The following AKAP3 variants were observed in gnomAD, a reference collection of about 807,000 sequenced individuals.
The protein encoded by AKAP3 is A-kinase anchor protein 3.
A neutral mutation model predicts 57.2 loss-of-function variants in AKAP3; 27 were observed. The ratio of observed to expected loss-of-function variants is 0.47; its 90% confidence interval spans 0.35 to 0.65. The LOEUF (loss-of-function observed/expected upper bound fraction) is 0.65. Among genes scored for constraint, AKAP3 ranks in the 30% least tolerant of loss-of-function variants. The pLI is 0.01. For synonymous variants in AKAP3, 334 were observed against 392.3 expected (o/e 0.85, Z 1.76); for missense variants, 959 against 1,040.0 (o/e 0.92, Z 1.07).
chr12:4,627,988 T>G lies in AKAP3; in HGVS notation c.914A>C (p.Lys305Thr). The change falls in exon 5 of 6, where the codon AAG becomes ACG. Residue 305 changes from lysine to threonine, a missense_variant. Transcript: ENST00000228850. ...AATGGTTGTGTCTTTCACTTGGATC[T>G]TCAGTGTCTTCATGATGGAGACCAT... Reference protein sequence around the residue: ...DMMVSIMKTLKIQVKDTTIAT... With the variant: ...DMMVSIMKTLTIQVKDTTIAT... 3 of 1,614,014 alleles carry G rather than the reference T, an allele frequency of 1.9e-6. No homozygotes were observed. The South Asian group carries it at 3.3e-5, about 18-fold the overall frequency.
chr12:4,637,951 G>A, intron 4 of AKAP3, 150 bp downstream of exon 4: 1 of 703,416 alleles, frequency 1.4e-6, no homozygotes, highest in Non-Finnish European at 2.5e-6. Context: ...AAATGGGAAT[G>A]TTTTGTTCTA....
intron 5 of AKAP3, among the ~76,000 whole-genome samples, chr12:4,618,568 C>T (rs1945312370): frequency 6.6e-6 from 1 of 152,244 alleles, no homozygotes; most frequent in Non-Finnish European, 1.5e-5. Flanking sequence ...GTTTCTAGTT[C>T]TCAGCACTCC....
intron 3 of AKAP3, among the ~76,000 whole-genome samples, chr12:4,638,959 C>A (rs992612143): frequency 5.9e-5 from 9 of 152,100 alleles, no homozygotes; most frequent in South Asian, 2.1e-4. Flanking sequence ...AACTGAGATT[C>A]ATTTTAATTG....
chr12:4,619,472 G>A (rs1349631800), intron 5 of AKAP3, among the ~76,000 whole-genome samples: 2 of 151,936 alleles, frequency 1.3e-5, no homozygotes, highest in Non-Finnish European at 2.9e-5. Flanking sequence ...TGGGAGGATC[G>A]CTTAAGCCTA....
In AKAP3 at chr12:4,628,126, C is replaced by T; in HGVS notation, c.776G>A (p.Arg259Lys). The change falls in exon 5 of 6, where the codon AGG (arginine) becomes AAG (lysine). Residue 259 changes from arginine (R) to lysine (K), a missense_variant. Physicochemically the swap from Arg to Lys is conservative, Grantham distance 26. Coordinates refer to ENST00000228850, the MANE Select transcript of AKAP3 (RefSeq NM_001278309.2). ...RNGDYAREGGRFFPRERKRFR... is the reference protein window; with the variant it reads ...RNGDYAREGGKFFPRERKRFR... ...CCTCTTTCTCTCCCGAGGAAAGAAC[C>T]TTCCACCCTCTCTGGCATAATCTCC... is the stretch of plus-strand genomic sequence containing the variant. The T allele has an allele frequency of 6.2e-7, 1 of 1,614,152 alleles. No individual in the cohort carries two copies. The highest frequency in any genetic ancestry group is 8.5e-7 in the Non-Finnish European group (1 of 1,180,004).
intron 5 of AKAP3, among the ~76,000 whole-genome samples, chr12:4,626,250 CCTA>C (rs1217509333): frequency 6.6e-6 from 1 of 152,186 alleles, no homozygotes; most frequent in African/African-American, 2.4e-5. Context: ...TCTGTACACT[CCTA>C]CTCCTAAACG....
In AKAP3 at chr12:4,627,493, T is replaced by G. The variant is rs1945434808; in HGVS notation, c.1409A>C (p.Lys470Thr). The change falls in exon 5 of 6, where the codon AAA becomes ACA. Residue 470 changes from lysine (K) to threonine (T), a missense_variant. By Grantham distance (78) the Lys-to-Thr change is moderately conservative. Coordinates refer to ENST00000228850, the MANE Select transcript of AKAP3 (RefSeq NM_001278309.2). ...TGCTGCATGCTGGAAACCTAGAGAT[T>G]TACATTCTTTCTGCTGAGTTTTATG... ...LWHKTQQKEC[K>T]SLGFQHAAFE... 4 of 1,614,004 alleles carry G rather than the reference T, an allele frequency of 2.5e-6. No individual in the cohort carries two copies. The highest frequency in any genetic ancestry group is 4.5e-5 in the East Asian group (2 of 44,886).
At chr12:4,621,457 A>C (rs1248569617) in intron 5 of AKAP3, among the ~76,000 whole-genome samples, 1 of 152,184 alleles carries the variant, frequency 6.6e-6, no homozygotes, top group East Asian at 1.9e-4. Flanking sequence ...TGACCTATAC[A>C]GATGTACCAT....
Position 4,627,024 on chromosome 12 carries a change from C to G in AKAP3, c.1878G>C (p.Arg626Ser), listed in dbSNP as rs745969161. The G allele has an allele frequency of 6.2e-7, 1 of 1,614,048 alleles. No individual in the cohort carries two copies. The highest frequency in any genetic ancestry group is 8.5e-7 in the Non-Finnish European group (1 of 1,179,958). Reference protein sequence around the residue: ...KVPEQPVKEDRKLCERPLASS... With the variant: ...KVPEQPVKEDSKLCERPLASS... ...ACGCCAACGGTCTTTCACACAACTTCCTATCTTCCTTAACTGGCTGTTCCG... is the reference window on the plus strand; with the variant it reads ...ACGCCAACGGTCTTTCACACAACTTGCTATCTTCCTTAACTGGCTGTTCCG... The change falls in exon 5 of 6, where the codon AGG becomes AGC. Residue 626 changes from arginine to serine, a missense_variant. Physicochemically the swap from Arg to Ser is moderately radical, Grantham distance 110. Transcript: ENST00000228850.
At chr12:4,634,181 C>A (rs145504707) in intron 4 of AKAP3, among the ~76,000 whole-genome samples, 2,317 of 151,910 alleles carry the variant, frequency 0.015, 50 homozygotes, top group African/African-American at 0.05. Flanking sequence ...TGCAATATAC[C>A]GAATTGATCA....
chr12:4,638,320 C>T (rs908220705), intron 3 of AKAP3, 124 bp from the exon 4 acceptor site: 6 of 686,666 alleles, frequency 8.7e-6, no homozygotes, highest in Non-Finnish European at 1.5e-5. Context: ...AGAGACCTTC[C>T]CCAACAGCCA....
chr12:4,624,809 G>GGT (rs1555126704), intron 5 of AKAP3, among the ~76,000 whole-genome samples: 15,165 of 87,844 alleles, frequency 0.17, 1,033 homozygotes, highest in South Asian at 0.23. Flanking sequence ...AGTAGACAAA[G>GGT]GTGTGTGTGT....
chr12:4,621,343 TACA>T, intron 5 of AKAP3, among the ~76,000 whole-genome samples: 1 of 152,204 alleles, frequency 6.6e-6, no homozygotes, highest in East Asian at 1.9e-4. Context: ...TTATGAAGTC[TACA>T]GTAGTGAACA....
intron 2 of AKAP3, among the ~76,000 whole-genome samples, chr12:4,643,399 T>G (rs1260101531): frequency 6.6e-6 from 1 of 152,090 alleles, no homozygotes; most frequent in Non-Finnish European, 1.5e-5. Flanking sequence ...AATGGATTCA[T>G]AAATTGCTAT....
chr12:4,625,763 G>A lies in AKAP3; in HGVS notation c.2406+733C>T, dbSNP rs1468586644. ...GAGGAGAGAGAAGAGAAGGTTGTAG[G>A]GATGGTCTTTTTAATTCCCGCACTT... On this transcript the variant is annotated intron_variant, in intron 5 of 5. Coordinates refer to ENST00000228850, the MANE Select transcript of AKAP3 (RefSeq NM_001278309.2). The surrounding 1 kb of genome is among the most constrained non-coding windows in gnomAD (Gnocchi z 5.4). 1.3e-5 allele frequency among the ~76,000 whole-genome samples: 2 copies of A among 151,938 alleles called. No homozygotes were observed. The highest frequency in any genetic ancestry group is 6.6e-5 in the Admixed American group (1 of 15,258).
intron 3 of AKAP3, among the ~76,000 whole-genome samples, chr12:4,639,855 C>T (rs1301271649): frequency 6.8e-5 from 9 of 132,644 alleles, no homozygotes; most frequent in Non-Finnish European, 1.2e-4. Flanking sequence ...CTCGCTCTTT[C>T]GCCCAGGCCG....
intron 4 of AKAP3, chr12:4,636,006 ACT>A (rs776428515): frequency 9.5e-5 from 141 of 1,480,346 alleles, no homozygotes; most frequent in Non-Finnish European, 1.3e-4. Context: ...CCCCAATGGT[ACT>A]CTCTTGAAAT....
At chr12:4,634,392 T>C (rs1391907079) in intron 4 of AKAP3, among the ~76,000 whole-genome samples, 1 of 152,182 alleles carries the variant, frequency 6.6e-6, no homozygotes, top group Non-Finnish European at 1.5e-5. Context: ...AAGCAACTCT[T>C]AAATATTACA....
At chr12:4,643,526 C>T (rs550038827) in intron 2 of AKAP3, among the ~76,000 whole-genome samples, 94 of 152,218 alleles carry the variant, frequency 6.2e-4, no homozygotes, top group Middle Eastern at 6.8e-3. Flanking sequence ...TTTTCTAATA[C>T]TCTCAGCTTA....
Sources: allele counts gnomAD v4.1 joint callset (sites outside exome capture counted in the v4.1 genomes callset), GRCh38; gene constraint gnomAD v4.1.1; non-coding constraint Gnocchi (gnomAD v3.1); transcripts MANE v1.5; gene names NCBI Gene and HGNC (gene_info 2026-07-23, HGNC 2026-07-21).